The following CHN1 variants were observed in gnomAD, a reference collection of about 807,000 sequenced individuals.
The protein encoded by CHN1 is N-chimaerin.
A neutral mutation model predicts 59.5 loss-of-function variants in CHN1; 37 were observed. The observed-to-expected ratio is 0.62, with a 90% CI of 0.48 to 0.82. The LOEUF (loss-of-function observed/expected upper bound fraction) is 0.82. CHN1 is among the 40% of genes least tolerant of loss of function. The probability of loss-of-function intolerance (pLI) is 0.00; values close to 1 mark genes in which losing one functional copy is unlikely to be tolerated. For synonymous variants in CHN1, 206 were observed against 200.4 expected, an observed-to-expected ratio of 1.03 and a Z score of -0.24; for missense variants, 469 against 571.0, an observed-to-expected ratio of 0.82 and a Z score of 1.82.
chr2:174,890,636 G>A (rs1010402731), intron 5 of CHN1, among the ~76,000 whole-genome samples: 3 of 152,040 alleles, frequency 2.0e-5, no homozygotes, highest in Non-Finnish European at 4.4e-5. Flanking sequence ...ATAATAGCAG[G>A]AAATTTCAAT....
chr2:174,978,009 T>C (rs1373774954), intron 1 of CHN1, among the ~76,000 whole-genome samples: 3 of 152,156 alleles, frequency 2.0e-5, no homozygotes, highest in Non-Finnish European at 4.4e-5. Context: ...ATAAAAGTAA[T>C]GAAATGTCAA....
intron 3 of CHN1, among the ~76,000 whole-genome samples, chr2:174,937,800 G>T (rs535976294): frequency 6.6e-6 from 1 of 152,026 alleles, no homozygotes; most frequent in East Asian, 1.9e-4. Flanking sequence ...AATATTTCTT[G>T]CTCCCTCAGT....
At chr2:174,807,908 G>A (rs1017282080) in intron 11 of CHN1, among the ~76,000 whole-genome samples, 1 of 152,132 alleles carries the variant, frequency 6.6e-6, no homozygotes, top group Non-Finnish European at 1.5e-5. Flanking sequence ...GTTTTAAAGA[G>A]AGAAAAGCAA....
chr2:174,816,979 G>C (rs936273909), intron 8 of CHN1, among the ~76,000 whole-genome samples: 1 of 151,952 alleles, frequency 6.6e-6, no homozygotes, highest in East Asian at 1.9e-4. Flanking sequence ...GTTGAGAGAG[G>C]CTAAATGACT....
rs536651763 is a variant in CHN1, at chr2:174,799,585, G to A, written c.*531C>T. On this transcript the variant is annotated 3_prime_UTR_variant, in exon 13 of 13. Transcript: ENST00000409900. ...GCTTTTGCTGGAAAGAAAGTACTATGTTAGAGAAGAACTAAGAGAAACCAG... is the reference window on the plus strand; with the variant it reads ...GCTTTTGCTGGAAAGAAAGTACTATATTAGAGAAGAACTAAGAGAAACCAG... 19 of 526,438 alleles carry A rather than the reference G, an allele frequency of 3.6e-5. No individual in the cohort carries two copies. Among genetic ancestry groups the A allele is most frequent in the Admixed American group, 2.9e-4 (13 of 44,792 alleles). The allele number at this position is 526,438 out of a possible 1,614,324, so 32.6% of individuals were successfully genotyped here. A position where few individuals can be genotyped will look rare whatever the true frequency, so the allele number is the denominator to read the frequency against.
At chr2:174,903,444 A>T (rs538709375) in intron 5 of CHN1, among the ~76,000 whole-genome samples, 5 of 152,354 alleles carry the variant, frequency 3.3e-5, no homozygotes, top group African/African-American at 1.2e-4. Flanking sequence ...CACATATGCC[A>T]TAAAAACAGA....
chr2:174,824,965 G>C (rs373099112), intron 7 of CHN1, among the ~76,000 whole-genome samples: 16 of 152,310 alleles, frequency 1.1e-4, no homozygotes, highest in African/African-American at 3.8e-4. Flanking sequence ...TTGGTTGAGT[G>C]AAACTGACAA....
rs1287245023 is a variant in CHN1, at chr2:174,906,779, G to A, written c.260+8279C>T. ...CTTTTTTGGTCCAGGAAAAAAATGAGAAAACAGGAAGAAAAAGAATCGGTG... is the reference window on the plus strand; with the variant it reads ...CTTTTTTGGTCCAGGAAAAAAATGAAAAAACAGGAAGAAAAAGAATCGGTG... On this transcript the variant is annotated intron_variant, in intron 5 of 12. Coordinates refer to ENST00000409900, the MANE Select transcript of CHN1 (RefSeq NM_001822.7). Among the ~76,000 whole-genome samples the A allele has an allele frequency of 3.9e-5, 6 of 152,072 alleles. No individual in the cohort carries two copies. The East Asian group carries it at 9.6e-4, about 24-fold the overall frequency.
At chr2:174,959,721 G>C (rs188778286) in intron 1 of CHN1, among the ~76,000 whole-genome samples, 141 of 152,298 alleles carry the variant, frequency 9.3e-4, no homozygotes, top group Non-Finnish European at 1.1e-3. Flanking sequence ...CACACAAAAA[G>C]CTTCTGCGTT....
intron 6 of CHN1, among the ~76,000 whole-genome samples, chr2:174,853,141 A>G (rs1384697907): frequency 2.0e-5 from 3 of 152,180 alleles, no homozygotes; most frequent in African/African-American, 4.8e-5. Context: ...GAAACTATCA[A>G]TAGAGTAAGC....
chr2:174,883,126 T>C (rs1304981844), intron 5 of CHN1, among the ~76,000 whole-genome samples: 1 of 152,176 alleles, frequency 6.6e-6, no homozygotes, highest in Non-Finnish European at 1.5e-5. Flanking sequence ...TTCTGAACAG[T>C]GGAACTCACA....
At position 174,838,644 on chromosome 2, in the gene CHN1, T is replaced by C. The variant is rs1686178583; in HGVS notation, c.627+8236A>G. Among the ~76,000 whole-genome samples the C allele has an allele frequency of 2.0e-5, 3 of 152,150 alleles. No homozygotes were observed. In the South Asian group the frequency reaches 6.2e-4, roughly 32 times the overall value. On this transcript the variant is annotated intron_variant, in intron 7 of 12. Transcript: ENST00000409900. ...GAGATTACGAGAAGGGGCTTTAGAGTACCAACATGTCTCAAACGGGGGAAA... is the reference window on the plus strand; with the variant it reads ...GAGATTACGAGAAGGGGCTTTAGAGCACCAACATGTCTCAAACGGGGGAAA...
intron 5 of CHN1, among the ~76,000 whole-genome samples, chr2:174,893,321 G>T (rs1232036584): frequency 6.6e-6 from 1 of 152,052 alleles, no homozygotes; most frequent in African/African-American, 2.4e-5. Context: ...TTTCTATGTA[G>T]TAACAATGAA....
intron 7 of CHN1, among the ~76,000 whole-genome samples, chr2:174,839,266 A>C (rs1686205101): frequency 6.6e-6 from 1 of 152,164 alleles, no homozygotes; most frequent in Non-Finnish European, 1.5e-5. Context: ...GACTTTTAAA[A>C]ATTGCGTGTT....
intron 4 of CHN1, among the ~76,000 whole-genome samples, chr2:174,916,959 A>G (rs1688864445): frequency 6.6e-6 from 1 of 152,220 alleles, no homozygotes; most frequent in South Asian, 2.1e-4. Flanking sequence ...TGGAAAGCCG[A>G]GGTGGGTGGA....
At chr2:174,814,702 T>G (rs1028112252) in intron 8 of CHN1, among the ~76,000 whole-genome samples, 21 of 152,194 alleles carry the variant, frequency 1.4e-4, no homozygotes, top group Non-Finnish European at 3.1e-4. Flanking sequence ...AATAACACTT[T>G]GAAAGGCCTT....
At chr2:174,946,033 A>G (rs1689826595) in intron 2 of CHN1, among the ~76,000 whole-genome samples, 1 of 152,060 alleles carries the variant, frequency 6.6e-6, no homozygotes, top group African/African-American at 2.4e-5. Flanking sequence ...TTCTATGCAA[A>G]GGGGATACAG....
intron 6 of CHN1, among the ~76,000 whole-genome samples, chr2:174,866,163 A>G (rs1687210078): frequency 6.6e-6 from 1 of 152,210 alleles, no homozygotes; most frequent in South Asian, 2.1e-4. Context: ...ACAAATCTCA[A>G]AAAGTTAAGA....
intron 3 of CHN1, chr2:174,920,844 A>G: frequency 3.0e-6 from 1 of 336,648 alleles, no homozygotes; most frequent in Non-Finnish European, 6.1e-6. Flanking sequence ...TTCTATTATT[A>G]TTATATACTC....
Sources: gnomAD v4.1 joint callset for allele counts (sites outside exome capture counted in the v4.1 genomes callset) on GRCh38, gnomAD v4.1.1 for gene constraint, MANE v1.5 for transcripts, NCBI Gene and HGNC (gene_info 2026-07-23, HGNC 2026-07-21) for gene names.